CCDC7: variants seen among roughly 807,000 people sequenced by gnomAD.
The protein encoded by CCDC7 is coiled-coil domain containing 7.
CCDC7 carries 183 observed loss-of-function variants against 196.9 expected under a neutral mutation model. The observed-to-expected ratio is 0.93, with a 90% CI of 0.82 to 1.05. The LOEUF (loss-of-function observed/expected upper bound fraction) is 1.05. Among genes scored for constraint, CCDC7 ranks in the 50% least tolerant of loss-of-function variants. CCDC7 has a pLI of 0.00. For synonymous variants in CCDC7, 525 were observed against 484.6 expected (o/e 1.08, Z -1.10); for missense variants, 1,540 against 1,482.2 (o/e 1.04, Z -0.64).
At chr10:32,465,186 A>C (rs548944101) in intron 5 of CCDC7, among the ~76,000 whole-genome samples, 1 of 151,620 alleles carries the variant, frequency 6.6e-6, no homozygotes, top group South Asian at 2.1e-4. Context: ...CTTTCCTTGT[A>C]AGAGACAACT....
chr10:32,669,337 G>T (rs1002634940), intron 21 of CCDC7, among the ~76,000 whole-genome samples: 3 of 152,000 alleles, frequency 2.0e-5, no homozygotes, highest in Admixed American at 6.6e-5. Flanking sequence ...CAGAGATATT[G>T]GCCTTTGTCT....
chr10:32,498,124 A>T (rs140823734), intron 9 of CCDC7, among the ~76,000 whole-genome samples: 2,175 of 152,198 alleles, frequency 0.014, 27 homozygotes, highest in Non-Finnish European at 0.023. Flanking sequence ...TTCTTGCTGC[A>T]TTGATCCCTT....
intron 28 of CCDC7, among the ~76,000 whole-genome samples, chr10:32,754,777 A>G (rs929218321): frequency 2.6e-5 from 4 of 152,152 alleles, no homozygotes; most frequent in South Asian, 2.1e-4. Context: ...CTTGTAGGAC[A>G]GTGGGTACAG....
intron 20 of CCDC7, among the ~76,000 whole-genome samples, chr10:32,648,187 G>A (rs144363427): frequency 6.6e-6 from 1 of 152,232 alleles, no homozygotes; most frequent in African/African-American, 2.4e-5. Flanking sequence ...ATTGGATTGT[G>A]TGTCTGTTTT....
chr10:32,519,672 A>G (rs2047582431), intron 11 of CCDC7, among the ~76,000 whole-genome samples: 1 of 152,122 alleles, frequency 6.6e-6, no homozygotes, highest in Non-Finnish European at 1.5e-5. Flanking sequence ...TGTAATAATC[A>G]TATCATGGAA....
intron 18 of CCDC7, among the ~76,000 whole-genome samples, chr10:32,600,051 T>A (rs1273055193): frequency 6.6e-6 from 1 of 152,172 alleles, no homozygotes; most frequent in Non-Finnish European, 1.5e-5. Flanking sequence ...ATTATAACTT[T>A]GTATACTCTT....
chr10:32,586,915 T>C (rs1010606307), intron 18 of CCDC7, among the ~76,000 whole-genome samples: 17 of 152,298 alleles, frequency 1.1e-4, no homozygotes, highest in African/African-American at 3.9e-4. Flanking sequence ...CTCTTCTATT[T>C]TGTTTTGAAG....
At chr10:32,687,698 G>A (rs1400280448) in intron 22 of CCDC7, among the ~76,000 whole-genome samples, 1 of 152,180 alleles carries the variant, frequency 6.6e-6, no homozygotes, top group Non-Finnish European at 1.5e-5. Flanking sequence ...TACATCCTCA[G>A]GTGCCACTGT....
chr10:32,857,487 G>A (rs1265399201), intron 41 of CCDC7, among the ~76,000 whole-genome samples: 9 of 152,134 alleles, frequency 5.9e-5, no homozygotes, highest in Admixed American at 5.9e-4. Context: ...TCTTGAAAAT[G>A]TACAAATATG....
chr10:32,778,826 A>T, intron 28 of CCDC7, 151 bp from the exon 30 acceptor site: 3 of 621,590 alleles, frequency 4.8e-6, no homozygotes, highest in Admixed American at 3.0e-5. Flanking sequence ...CTGTTTTTTC[A>T]TTTATTTGTG....
At chr10:32,628,606 T>G (rs1017020102) in intron 18 of CCDC7, among the ~76,000 whole-genome samples, 1 of 152,068 alleles carries the variant, frequency 6.6e-6, no homozygotes, top group African/African-American at 2.4e-5. Flanking sequence ...TTTTGAGATC[T>G]TTCATCTTTT....
intron 20 of CCDC7, among the ~76,000 whole-genome samples, chr10:32,648,920 A>T (rs991981441): frequency 6.6e-6 from 1 of 152,226 alleles, no homozygotes; most frequent in East Asian, 1.9e-4. Flanking sequence ...ATACCTATCA[A>T]TGACAAATTG....
intron 29 of CCDC7, among the ~76,000 whole-genome samples, chr10:32,799,277 G>A (rs1287098698): frequency 6.6e-6 from 1 of 152,110 alleles, no homozygotes; most frequent in Non-Finnish European, 1.5e-5. Flanking sequence ...AATCCGAGAG[G>A]GCTCCACTGT....
intron 41 of CCDC7, among the ~76,000 whole-genome samples, chr10:32,857,723 TG>T (rs1429630273): frequency 1.3e-5 from 2 of 151,394 alleles, no homozygotes; most frequent in African/African-American, 4.8e-5. Context: ...CTCAAGGAGT[TG>T]GAAAAAGAAA....
intron 20 of CCDC7, among the ~76,000 whole-genome samples, chr10:32,639,323 G>A (rs1467608126): frequency 6.6e-6 from 1 of 152,168 alleles, no homozygotes; most frequent in East Asian, 1.9e-4. Flanking sequence ...TAATTGTTAT[G>A]TTAGGGTGTC....
intron 13 of CCDC7, among the ~76,000 whole-genome samples, chr10:32,563,582 A>G (rs1430593851): frequency 2.0e-5 from 3 of 152,216 alleles, no homozygotes; most frequent in Non-Finnish European, 4.4e-5. Flanking sequence ...GGTGCTGGGA[A>G]TACTGGCCAG....
rs186699245 is a variant in CCDC7 at position 32,702,456 on chromosome 10, C to T, written c.2458+7464C>T. 8.2e-3 allele frequency among the ~76,000 whole-genome samples: 1,240 copies of T among 152,086 alleles called. 7 individuals are homozygous for T. Among genetic ancestry groups the T allele is most frequent in the Middle Eastern group, 0.02 (6 of 294 alleles). On this transcript the variant is annotated intron_variant, in intron 24 of 41. Transcript: ENST00000639629. ...TACTTCCAACTATGTGGTCAATTTT[C>T]GAATAGGTGTGGTGTGATGCTGAGA...
At chr10:32,620,240 T>C (rs2063262516) in intron 18 of CCDC7, among the ~76,000 whole-genome samples, 1 of 152,120 alleles carries the variant, frequency 6.6e-6, no homozygotes, top group South Asian at 2.1e-4. Flanking sequence ...GTCTTTTAAT[T>C]CTGTTATTGC....
At chr10:32,713,385 G>T (rs1431068569) in intron 25 of CCDC7, among the ~76,000 whole-genome samples, 1 of 151,926 alleles carries the variant, frequency 6.6e-6, no homozygotes, top group African/African-American at 2.4e-5. Flanking sequence ...CTAGGTGTAG[G>T]TCCTCAGTTC....
Sources: gnomAD v4.1 joint callset for allele counts (sites outside exome capture counted in the v4.1 genomes callset) on GRCh38, gnomAD v4.1.1 for gene constraint, MANE v1.5 for transcripts, NCBI Gene and HGNC (gene_info 2026-07-23, HGNC 2026-07-21) for gene names.